Variants in PCDH15 observed in about 807,000 individuals in gnomAD.
PCDH15 encodes the protein protocadherin related 15, also known as protocadherin-15.
PCDH15 carries 129 observed loss-of-function variants against 178.5 expected under a neutral mutation model. That is an observed-to-expected ratio of 0.72 (90% CI 0.63 to 0.84). PCDH15 has a LOEUF of 0.84. Ranked by LOEUF, PCDH15 falls within the 40% of genes least tolerant of loss-of-function variation. The pLI is 0.00. For synonymous variants in PCDH15, 800 were observed against 732.0 expected (o/e 1.09, Z -1.50); for missense variants, 2,230 against 2,099.9 (o/e 1.06, Z -1.21).
At chr10:53,857,339 C>T in intron 27 of PCDH15, 76 bp from the exon 28 acceptor site, 1 of 1,020,292 alleles carries the variant, frequency 9.8e-7, no homozygotes, top group Non-Finnish European at 1.6e-6. Context: ...CCCACATTAC[C>T]TCTTCCCTAC....
chr10:54,878,125 G>A (rs1954186703), intron 3 of PCDH15, among the ~76,000 whole-genome samples: 1 of 151,724 alleles, frequency 6.6e-6, no homozygotes, highest in Admixed American at 6.6e-5. Flanking sequence ...ATCATGACTA[G>A]CTAATTTTTG....
At chr10:54,097,745 G>GA (rs2094726293) in intron 15 of PCDH15, among the ~76,000 whole-genome samples, 1 of 152,084 alleles carries the variant, frequency 6.6e-6, no homozygotes, top group Admixed American at 6.6e-5. Context: ...ATTATAATGA[G>GA]AAAAATGAAT....
At chr10:55,018,690 T>C (rs183111363) in intron 2 of PCDH15, among the ~76,000 whole-genome samples, 19 of 152,188 alleles carry the variant, frequency 1.2e-4, no homozygotes, top group Admixed American at 9.8e-4. Context: ...AAACAATTGT[T>C]ATCTCTAAAA....
At chr10:55,227,882 C>A (rs927902984) in intron 1 of PCDH15, among the ~76,000 whole-genome samples, 8 of 152,048 alleles carry the variant, frequency 5.3e-5, no homozygotes, top group African/African-American at 1.7e-4. Context: ...ACAGTAACCA[C>A]AAAACATACA....
At chr10:54,487,796 T>C (rs1252886452) in intron 3 of PCDH15, among the ~76,000 whole-genome samples, 1 of 151,972 alleles carries the variant, frequency 6.6e-6, no homozygotes, top group African/African-American at 2.4e-5. Context: ...AAGTAAATAA[T>C]ATGGTTTTGT....
chr10:53,914,757 G>A (rs571916208), intron 25 of PCDH15, among the ~76,000 whole-genome samples: 1 of 150,726 alleles, frequency 6.6e-6, no homozygotes, highest in Non-Finnish European at 1.5e-5. Context: ...AGAACTTAAA[G>A]TATATAAAAA....
chr10:54,930,481 C>A (rs2131852526), intron 2 of PCDH15, among the ~76,000 whole-genome samples: 1 of 152,262 alleles, frequency 6.6e-6, no homozygotes, highest in Non-Finnish European at 1.5e-5. Context: ...TGGGGCAAGA[C>A]AATGAACCTC....
chr10:54,003,041 G>A (rs2092239245), intron 20 of PCDH15, among the ~76,000 whole-genome samples: 1 of 152,114 alleles, frequency 6.6e-6, no homozygotes, highest in Non-Finnish European at 1.5e-5. Context: ...ATTCTTCGAA[G>A]TTAGCAAGAC....
intron 27 of PCDH15, among the ~76,000 whole-genome samples, chr10:53,863,699 G>C (rs1347729824): frequency 6.6e-6 from 1 of 152,166 alleles, no homozygotes; most frequent in Non-Finnish European, 1.5e-5. Context: ...ATTGTTGTGA[G>C]AATAATCTGA....
At chr10:54,549,795 G>A (rs770175707) in intron 2 of PCDH15, among the ~76,000 whole-genome samples, 1 of 151,920 alleles carries the variant, frequency 6.6e-6, no homozygotes, top group Non-Finnish European at 1.5e-5. Flanking sequence ...CTACAGTGAT[G>A]TTTGTTAAAT....
At chr10:54,543,476 C>A (rs1432255279) in intron 2 of PCDH15, among the ~76,000 whole-genome samples, 2 of 152,220 alleles carry the variant, frequency 1.3e-5, no homozygotes, top group Admixed American at 1.3e-4. Context: ...AAGCGATCCA[C>A]ACCCCCAACG....
intron 3 of PCDH15, among the ~76,000 whole-genome samples, chr10:54,876,442 T>C (rs1954145146): frequency 6.6e-6 from 1 of 152,106 alleles, no homozygotes; most frequent in Non-Finnish European, 1.5e-5. Flanking sequence ...ATAGCTGCCA[T>C]AGATAGTGAT....
chr10:54,516,206 G>A (rs531173423), intron 3 of PCDH15, among the ~76,000 whole-genome samples: 76 of 152,278 alleles, frequency 5.0e-4, no homozygotes, highest in Non-Finnish European at 8.7e-4. Context: ...CTGAGCTGAC[G>A]GAGAATGACT....
At chr10:54,157,439 T>C (rs2045274201) in intron 13 of PCDH15, among the ~76,000 whole-genome samples, 1 of 152,166 alleles carries the variant, frequency 6.6e-6, no homozygotes, top group Non-Finnish European at 1.5e-5. Flanking sequence ...TTGGACCCTT[T>C]CAGCCATGGC....
chr10:54,317,032 T>C (rs2061320066), intron 8 of PCDH15, among the ~76,000 whole-genome samples: 1 of 152,146 alleles, frequency 6.6e-6, no homozygotes. Flanking sequence ...AAAAATAAAA[T>C]AAAATAACCA....
At chr10:54,074,614 T>A (rs2094306367) in intron 17 of PCDH15, among the ~76,000 whole-genome samples, 4 of 152,186 alleles carry the variant, frequency 2.6e-5, no homozygotes, top group Admixed American at 2.6e-4. Context: ...AAAACTGGGT[T>A]GCTTTTACAT....
chr10:55,564,172 T>A (rs571178565), intron 2 of PCDH15, among the ~76,000 whole-genome samples: 1 of 151,754 alleles, frequency 6.6e-6, no homozygotes, highest in African/African-American at 2.4e-5. Flanking sequence ...TAATAGAGAA[T>A]ACTAATATAT....
chr10:53,909,095 G>C (rs1343303835), intron 25 of PCDH15, among the ~76,000 whole-genome samples: 1 of 152,170 alleles, frequency 6.6e-6, no homozygotes, highest in Non-Finnish European at 1.5e-5. Flanking sequence ...GGAAGAACCT[G>C]GTGGGAGGTG....
intron 1 of PCDH15, among the ~76,000 whole-genome samples, chr10:55,246,217 C>G (rs1297739289): frequency 2.0e-5 from 3 of 152,138 alleles, no homozygotes; most frequent in Non-Finnish European, 4.4e-5. Context: ...AAATATCAAG[C>G]TAATTGAAGA....
Sources: gnomAD v4.1 joint callset for allele counts (sites outside exome capture counted in the v4.1 genomes callset) on GRCh38, gnomAD v4.1.1 for gene constraint, MANE v1.5 for transcripts, NCBI Gene and HGNC (gene_info 2026-07-23, HGNC 2026-07-21) for gene names.